GLP2R: variants seen among roughly 807,000 people sequenced by gnomAD.
The protein encoded by GLP2R is glucagon like peptide 2 receptor.
A neutral mutation model predicts 68.2 loss-of-function variants in GLP2R; 59 were observed. The observed-to-expected ratio is 0.87, with a 90% CI of 0.70 to 1.07. The LOEUF (loss-of-function observed/expected upper bound fraction) is 1.07. Ranked by LOEUF, GLP2R falls within the 50% of genes least tolerant of loss-of-function variation. The pLI, the probability that GLP2R is intolerant of heterozygous loss-of-function variation, is 0.00. For missense variants in GLP2R, 548 were observed against 677.4 expected (o/e 0.81, Z 2.12); for synonymous variants, 270 against 265.4 (o/e 1.02, Z -0.17).
intron 9 of GLP2R, among the ~76,000 whole-genome samples, chr17:9,864,626 G>A (rs975200655): frequency 2.0e-5 from 3 of 152,040 alleles, no homozygotes; most frequent in Non-Finnish European, 4.4e-5. Context: ...GGGTTCAAGC[G>A]ATTCTTGTGC....
chr17:9,881,084 A>G (rs1480249592), intron 11 of GLP2R, among the ~76,000 whole-genome samples: 1 of 152,190 alleles, frequency 6.6e-6, no homozygotes, highest in South Asian at 2.1e-4. Context: ...ATTATTTTTC[A>G]TGATTCTGGG....
At chr17:9,860,703 G>C (rs1040152947) in intron 7 of GLP2R, among the ~76,000 whole-genome samples, 1 of 152,072 alleles carries the variant, frequency 6.6e-6, no homozygotes, top group Non-Finnish European at 1.5e-5. Context: ...TCTGACTTTT[G>C]AGAGGACACC....
rs376799542 is a variant in GLP2R, at chr17:9,889,587, C to T, written c.1544C>T (p.Ala515Val). 347 of 1,614,148 alleles carry T rather than the reference C, an allele frequency of 2.1e-4. No homozygotes were observed. Among genetic ancestry groups the T allele is most frequent in the Non-Finnish European group, 2.8e-4 (328 of 1,179,978 alleles). Residue 515 changes from alanine (A) to valine (V), a missense_variant, in exon 13 of 13, where the codon GCC becomes GTC. Coordinates refer to ENST00000262441, the MANE Select transcript of GLP2R (RefSeq NM_004246.3). ...LAMRGLGELG[A>V]QPQQDHARWP... ...ATGCGAGGTCTTGGGGAGCTGGGCGCCCAGCCCCAACAGGACCATGCACGC... is the reference window on the plus strand; with the variant it reads ...ATGCGAGGTCTTGGGGAGCTGGGCGTCCAGCCCCAACAGGACCATGCACGC...
At chr17:9,857,977 A>G (rs2066950100) in intron 6 of GLP2R, among the ~76,000 whole-genome samples, 1 of 152,244 alleles carries the variant, frequency 6.6e-6, no homozygotes, top group South Asian at 2.1e-4. Flanking sequence ...ACATGTACAG[A>G]CTTTTTTTTC....
chr17:9,889,544 C>T lies in GLP2R; in HGVS notation c.1501C>T (p.Arg501Trp), dbSNP rs146242583. Residue 501 changes from arginine (R) to tryptophan (W), a missense_variant, in exon 13 of 13, where the codon CGG becomes TGG. Transcript: ENST00000262441. ...RKLQPSLNSG[R>W]LLHLAMRGLG... ...GCTGCAGCCCTCACTTAACAGTGGGCGGCTCCTACATCTAGCCATGCGAGG... is the reference window on the plus strand; with the variant it reads ...GCTGCAGCCCTCACTTAACAGTGGGTGGCTCCTACATCTAGCCATGCGAGG... 2.6e-5 allele frequency: 42 copies of T among 1,614,044 alleles called. No individual in the cohort carries two copies. The highest frequency in any genetic ancestry group is 1.6e-4 in the Middle Eastern group (1 of 6,082).
intron 10 of GLP2R, among the ~76,000 whole-genome samples, chr17:9,877,569 G>T (rs944304776): frequency 6.6e-6 from 1 of 152,076 alleles, no homozygotes; most frequent in African/African-American, 2.4e-5. Context: ...TTTGACAAAC[G>T]GGCATGGTTA....
intron 4 of GLP2R, among the ~76,000 whole-genome samples, chr17:9,847,379 T>C (rs1448106082): frequency 6.6e-6 from 1 of 152,058 alleles, no homozygotes. Context: ...AAGCGATTCT[T>C]CTGCCTCAGC....
intron 5 of GLP2R, among the ~76,000 whole-genome samples, chr17:9,856,477 G>A (rs893396564): frequency 2.4e-4 from 37 of 152,184 alleles, no homozygotes; most frequent in South Asian, 2.1e-4. Context: ...GTGCTACCCA[G>A]GGAGCACAGC....
chr17:9,827,862 T>C (rs2066646294), intron 1 of GLP2R, among the ~76,000 whole-genome samples: 1 of 148,714 alleles, frequency 6.7e-6, no homozygotes, highest in Admixed American at 6.9e-5. Flanking sequence ...CTCAGGAGGC[T>C]GAGGCAGGAG....
intron 3 of GLP2R, 108 bp from the exon 4 acceptor site, chr17:9,842,387 G>A (rs561396807): frequency 1.4e-6 from 2 of 1,389,350 alleles, no homozygotes; most frequent in East Asian, 4.6e-5. Context: ...GCCCCCAAAA[G>A]GGGAAATGAA....
At chr17:9,860,272 C>T (rs947123209) in intron 7 of GLP2R, among the ~76,000 whole-genome samples, 171 bp downstream of exon 7, 2 of 152,178 alleles carry the variant, frequency 1.3e-5, no homozygotes, top group African/African-American at 4.8e-5. Context: ...CAAATGCACA[C>T]ATATGCACAG....
intron 4 of GLP2R, 115 bp from the exon 5 acceptor site, chr17:9,854,380 T>A (rs2066916815): frequency 1.4e-6 from 1 of 705,844 alleles, no homozygotes; most frequent in Non-Finnish European, 2.6e-6. Flanking sequence ...AGGAAACATT[T>A]AAAAAAATGT....
rs200553768 is a variant in GLP2R, at chr17:9,889,999, C to T, written c.*294C>T. On this transcript the variant is annotated 3_prime_UTR_variant, in exon 13 of 13. Transcript: ENST00000262441. ...TAAATTCAAGCCAATGAAGTCCCAC[C>T]ATGAAGAGAGGTCTCCTGTTATAGA... The T allele has an allele frequency of 9.2e-4, 473 of 515,016 alleles. No homozygotes were observed. The highest frequency in any genetic ancestry group is 5.3e-3 in the Middle Eastern group (18 of 3,410). 31.9% of individuals were successfully genotyped at this position (515,016 alleles called of 1,614,324 possible). A position where few individuals can be genotyped will look rare whatever the true frequency, so the allele number is the denominator to read the frequency against.
At chr17:9,827,620 G>T (rs2066644234) in intron 1 of GLP2R, among the ~76,000 whole-genome samples, 1 of 152,160 alleles carries the variant, frequency 6.6e-6, no homozygotes, top group Non-Finnish European at 1.5e-5. Context: ...ATAAAAGGAT[G>T]ATGGGAAGGA....
At chr17:9,849,252 G>T (rs565129997) in intron 4 of GLP2R, among the ~76,000 whole-genome samples, 4 of 151,800 alleles carry the variant, frequency 2.6e-5, no homozygotes, top group Admixed American at 2.0e-4. Flanking sequence ...ATAACATTTT[G>T]CCACATTTGC....
chr17:9,828,553 A>C (rs2066653017), intron 1 of GLP2R, among the ~76,000 whole-genome samples: 1 of 152,264 alleles, frequency 6.6e-6, no homozygotes, highest in East Asian at 1.9e-4. Context: ...AATCCTCAAC[A>C]CAAGCCTCTG....
chr17:9,850,683 AT>A (rs1382719044), intron 4 of GLP2R, among the ~76,000 whole-genome samples: 1 of 125,508 alleles, frequency 8.0e-6, no homozygotes, highest in Non-Finnish European at 1.6e-5. Flanking sequence ...CCTACCGATG[AT>A]TTTTTCACTT....
intron 11 of GLP2R, among the ~76,000 whole-genome samples, chr17:9,886,812 A>G (rs79946967): frequency 0.02 from 3,084 of 152,316 alleles, 43 homozygotes; most frequent in Non-Finnish European, 0.035. Context: ...CATTATCATC[A>G]AGAGATATAA....
intron 4 of GLP2R, among the ~76,000 whole-genome samples, chr17:9,848,896 C>T (rs1909896): frequency 0.34 from 32,645 of 95,968 alleles, 5,002 homozygotes; most frequent in African/African-American, 0.56. Context: ...TGTGTGTGTG[C>T]GCTCACATAA....
Sources: gnomAD v4.1 joint callset for allele counts (sites outside exome capture counted in the v4.1 genomes callset) on GRCh38, gnomAD v4.1.1 for gene constraint, MANE v1.5 for transcripts, NCBI Gene and HGNC (gene_info 2026-07-23, HGNC 2026-07-21) for gene names.